Variants in CTNNA3 observed in about 807,000 individuals in gnomAD.
The protein encoded by CTNNA3 is catenin alpha-3.
CTNNA3 carries 76 observed loss-of-function variants against 95.7 expected under a neutral mutation model. That is an observed-to-expected ratio of 0.79 (90% CI 0.66 to 0.96). The LOEUF is 0.96. Ranked by LOEUF, CTNNA3 falls within the 40% of genes least tolerant of loss-of-function variation. The pLI is 0.00. For missense variants in CTNNA3, 1,191 were observed against 1,089.8 expected (o/e 1.09, Z -1.31); for synonymous variants, 431 against 374.4 (o/e 1.15, Z -1.74).
rs537797952 is a variant in CTNNA3 at position 67,250,338 on chromosome 10, C to T, written c.580-30468G>A. On this transcript the variant is annotated intron_variant, in intron 5 of 17. Transcript: ENST00000433211. Reference sequence around the variant, plus strand: ...TCACGTCATTCTCCTGCCTCAGCCTCCTGAGTAGCTGGGACTACAGGTGCC... The same window carrying T: ...TCACGTCATTCTCCTGCCTCAGCCTTCTGAGTAGCTGGGACTACAGGTGCC... 5.3e-5 allele frequency among the ~76,000 whole-genome samples: 8 copies of T among 152,202 alleles called. No individual in the cohort carries two copies. In the East Asian group the frequency reaches 1.5e-3, roughly 29 times the overall value.
chr10:66,974,515 A>C (rs930201917), intron 7 of CTNNA3, among the ~76,000 whole-genome samples: 4 of 152,144 alleles, frequency 2.6e-5, no homozygotes, highest in Admixed American at 2.6e-4. Context: ...CTCCTGGGTA[A>C]ATATTTAGAA....
intron 15 of CTNNA3, among the ~76,000 whole-genome samples, chr10:66,022,571 G>C (rs564679617): frequency 6.6e-6 from 1 of 151,462 alleles, no homozygotes; most frequent in East Asian, 1.9e-4. Flanking sequence ...TGCTTTACCA[G>C]TAGCATGACA....
intron 1 of CTNNA3, among the ~76,000 whole-genome samples, chr10:67,685,758 T>A (rs886847781): frequency 6.6e-6 from 1 of 151,150 alleles, no homozygotes; most frequent in Non-Finnish European, 1.5e-5. Flanking sequence ...ACTACTTCTA[T>A]CTCTCTCTTT....
intron 9 of CTNNA3, among the ~76,000 whole-genome samples, chr10:66,702,640 T>C (rs1374831059): frequency 2.9e-5 from 4 of 138,752 alleles, no homozygotes; most frequent in East Asian, 2.2e-4. Flanking sequence ...TGGAAGGTGG[T>C]GGTTGCAGTG....
intron 13 of CTNNA3, among the ~76,000 whole-genome samples, chr10:66,108,694 G>A (rs1207739136): frequency 6.6e-6 from 1 of 151,580 alleles, no homozygotes; most frequent in African/African-American, 2.4e-5. Context: ...TGTTTGTCTT[G>A]TTTTCCACTC....
intron 10 of CTNNA3, among the ~76,000 whole-genome samples, chr10:66,552,216 C>T (rs1019177901): frequency 1.3e-5 from 2 of 152,102 alleles, no homozygotes; most frequent in African/African-American, 4.8e-5. Flanking sequence ...ATTAGGGAAT[C>T]TTCTTATCAG....
chr10:66,126,143 A>G (rs533548018), intron 13 of CTNNA3, among the ~76,000 whole-genome samples: 2 of 152,220 alleles, frequency 1.3e-5, no homozygotes, highest in Non-Finnish European at 2.9e-5. Context: ...TTTGAAAATT[A>G]ATGTAATCCA....
chr10:66,850,835 C>T (rs915411109), intron 7 of CTNNA3, among the ~76,000 whole-genome samples: 1 of 152,152 alleles, frequency 6.6e-6, no homozygotes, highest in African/African-American at 2.4e-5. Flanking sequence ...CTGAATCCAA[C>T]AGTTCTATCT....
chr10:65,992,494 T>A lies in CTNNA3; in HGVS notation c.2160-3697A>T, dbSNP rs1461140390. The stretch of plus-strand genomic sequence containing the variant: ...TTCGTAGGTTTTGTGATTCCAGGAA[T>A]TTATTCATTTCCCCTATGTCTTCCA... On this transcript the variant is annotated intron_variant, in intron 15 of 17. Coordinates refer to ENST00000433211, the MANE Select transcript of CTNNA3 (RefSeq NM_013266.4). Among the ~76,000 whole-genome samples the A allele has an allele frequency of 6.2e-5, 3 of 48,454 alleles. No individual in the cohort carries two copies. The East Asian group carries it at 1.6e-3, about 25-fold the overall frequency. 31.8% of individuals were successfully genotyped at this position (48,454 alleles called of 152,430 possible).
At chr10:67,224,824 G>T (rs969392882) in intron 5 of CTNNA3, among the ~76,000 whole-genome samples, 1 of 152,174 alleles carries the variant, frequency 6.6e-6, no homozygotes, top group African/African-American at 2.4e-5. Flanking sequence ...CAGGGAGAAG[G>T]AAAATTCCAG....
chr10:67,353,578 A>G (rs1255028173), intron 5 of CTNNA3, among the ~76,000 whole-genome samples: 2 of 152,038 alleles, frequency 1.3e-5, no homozygotes, highest in Non-Finnish European at 1.5e-5. Context: ...TCAACAACTG[A>G]GAATTGTTAC....
At chr10:67,733,293 T>G (rs768214717) in intron 1 of CTNNA3, among the ~76,000 whole-genome samples, 5 of 152,182 alleles carry the variant, frequency 3.3e-5, no homozygotes, top group African/African-American at 9.7e-5. Flanking sequence ...ATTCTTCCAG[T>G]TCATAAGGTT....
chr10:66,070,575 C>T (rs558300662), intron 14 of CTNNA3, among the ~76,000 whole-genome samples: 2 of 152,200 alleles, frequency 1.3e-5, no homozygotes, highest in East Asian at 3.9e-4. Flanking sequence ...TGAATATACA[C>T]TGGTATATTA....
At chr10:66,632,045 T>C (rs1051367981) in intron 9 of CTNNA3, among the ~76,000 whole-genome samples, 1 of 152,102 alleles carries the variant, frequency 6.6e-6, no homozygotes, top group Non-Finnish European at 1.5e-5. Context: ...TGTGCATATC[T>C]ATAGATGTAT....
chr10:67,546,444 T>C (rs1840845289), intron 3 of CTNNA3, among the ~76,000 whole-genome samples: 1 of 152,106 alleles, frequency 6.6e-6, no homozygotes, highest in Non-Finnish European at 1.5e-5. Flanking sequence ...AATTTGACAA[T>C]AATTTTAAGA....
chr10:67,007,227 C>G (rs537294391), intron 7 of CTNNA3, among the ~76,000 whole-genome samples: 1 of 152,284 alleles, frequency 6.6e-6, no homozygotes, highest in African/African-American at 2.4e-5. Context: ...TGTTTAGCAT[C>G]AACACATTGA....
chr10:66,228,045 G>C (rs2089406517), intron 13 of CTNNA3, among the ~76,000 whole-genome samples: 1 of 151,706 alleles, frequency 6.6e-6, no homozygotes, highest in African/African-American at 2.4e-5. Flanking sequence ...GATTTATGTG[G>C]GTCATCTCTC....
At chr10:66,481,418 A>G (rs1839520796) in intron 11 of CTNNA3, among the ~76,000 whole-genome samples, 1 of 142,124 alleles carries the variant, frequency 7.0e-6, no homozygotes, top group South Asian at 2.4e-4. Flanking sequence ...TGTTTTAGGT[A>G]TTGGGTATAC....
At chr10:66,096,852 C>T (rs2081412205) in intron 14 of CTNNA3, among the ~76,000 whole-genome samples, 1 of 152,024 alleles carries the variant, frequency 6.6e-6, no homozygotes. Flanking sequence ...AAGTTTAAGT[C>T]CTATGCAACT....
Sources: gnomAD v4.1 joint callset for allele counts (sites outside exome capture counted in the v4.1 genomes callset) on GRCh38, gnomAD v4.1.1 for gene constraint, MANE v1.5 for transcripts, NCBI Gene and HGNC (gene_info 2026-07-23, HGNC 2026-07-21) for gene names.